The following LTBP1 variants were observed in gnomAD, a reference collection of about 807,000 sequenced individuals.
LTBP1 encodes latent-transforming growth factor beta-binding protein 1.
A neutral mutation model predicts 207.6 loss-of-function variants in LTBP1; 129 were observed. The ratio of observed to expected loss-of-function variants is 0.62; its 90% CI spans 0.54 to 0.72. The LOEUF (loss-of-function observed/expected upper bound fraction) is 0.72, where lower values mean the gene tolerates loss of function less well. LTBP1 is among the 30% of genes least tolerant of loss of function. The pLI is 0.00. For missense variants in LTBP1, 2,281 were observed against 2,217.2 expected (o/e 1.03, Z -0.58); for synonymous variants, 963 against 833.7 (o/e 1.16, Z -2.67).
chr2:33,117,511 C>T, intron 4 of LTBP1, among the ~76,000 whole-genome samples: 1 of 152,142 alleles, frequency 6.6e-6, no homozygotes, highest in East Asian at 1.9e-4. Flanking sequence ...AGTGAGAGAG[C>T]AGAGTGCTTT....
rs1391386231 is a variant in LTBP1 at position 33,393,168 on chromosome 2, A to ATAGTTATT, written c.4834+3863_4834+3870dup. On this transcript the variant is annotated intron_variant, in intron 32 of 33. Transcript: ENST00000404816. ...ACCTAGGTGTGAAGCCCAGTACCCA[A>ATAGTTATT]TAGTTATTACCTTTTCTGCTTCCCT... Among the ~76,000 whole-genome samples, 7 of 142,852 alleles carry ATAGTTATT rather than the reference A, an allele frequency of 4.9e-5. No individual in the cohort carries two copies. The East Asian group carries it at 1.4e-3, about 28-fold the overall frequency. The allele number at this position is 142,852 out of a possible 152,430, so 93.7% of individuals were successfully genotyped here.
chr2:33,267,663 T>C (rs1270219199), intron 15 of LTBP1, among the ~76,000 whole-genome samples: 2 of 152,230 alleles, frequency 1.3e-5, no homozygotes, highest in Non-Finnish European at 2.9e-5. Flanking sequence ...TTCAAAATAC[T>C]GCATTTCAAT....
chr2:33,092,405 G>C (rs920315647), intron 3 of LTBP1, among the ~76,000 whole-genome samples: 2 of 152,218 alleles, frequency 1.3e-5, no homozygotes, highest in African/African-American at 4.8e-5. Flanking sequence ...GTTAGAACTT[G>C]TAAAACTCAC....
chr2:33,354,653 C>T (rs1458955081), intron 26 of LTBP1, among the ~76,000 whole-genome samples: 1 of 148,850 alleles, frequency 6.7e-6, no homozygotes, highest in Non-Finnish European at 1.5e-5. Context: ...AATGAACTGA[C>T]ATATCAATCA....
intron 8 of LTBP1, among the ~76,000 whole-genome samples, chr2:33,218,873 C>CTT (rs1057174153): frequency 6.6e-6 from 1 of 152,084 alleles, no homozygotes; most frequent in Non-Finnish European, 1.5e-5. Context: ...TTCTCATTTG[C>CTT]TTTAAATGAA....
At chr2:32,980,260 A>G (rs1682564917) in intron 2 of LTBP1, among the ~76,000 whole-genome samples, 1 of 152,070 alleles carries the variant, frequency 6.6e-6, no homozygotes, top group African/African-American at 2.4e-5. Flanking sequence ...GTTTTAGTGA[A>G]GGCAGTTTTC....
At chr2:33,174,805 A>G (rs1286138474) in intron 5 of LTBP1, among the ~76,000 whole-genome samples, 1 of 152,158 alleles carries the variant, frequency 6.6e-6, no homozygotes, top group Non-Finnish European at 1.5e-5. Context: ...GTACCAAAAC[A>G]GAGATATAGA....
Position 33,398,616 on chromosome 2 carries a change from T to C in LTBP1, c.*71T>C. ...AGGAAAAGGGAGAAATGTATTATAC[T>C]TGAGACATTGCACCTACCCCGGAAG... On this transcript the variant is annotated 3_prime_UTR_variant, in exon 34 of 34. Coordinates refer to ENST00000404816, the MANE Select transcript of LTBP1 (RefSeq NM_206943.4). 7.2e-7 allele frequency: 1 copy of C among 1,395,700 alleles called. No individual in the cohort carries two copies. The highest frequency in any genetic ancestry group is 9.7e-7 in the Non-Finnish European group (1 of 1,029,862). 86.5% of individuals were successfully genotyped at this position (1,395,700 alleles called of 1,614,324 possible). A position where few individuals can be genotyped will look rare whatever the true frequency, so the allele number is the denominator to read the frequency against.
intron 7 of LTBP1, among the ~76,000 whole-genome samples, chr2:33,191,892 G>T (rs1393768760): frequency 6.6e-6 from 1 of 152,162 alleles, no homozygotes; most frequent in Non-Finnish European, 1.5e-5. Flanking sequence ...GGCAGAGATA[G>T]CCCTTGTTTC....
At chr2:33,078,150 C>A (rs2078185419) in intron 3 of LTBP1, among the ~76,000 whole-genome samples, 1 of 152,172 alleles carries the variant, frequency 6.6e-6, no homozygotes, top group Non-Finnish European at 1.5e-5. Flanking sequence ...CTTCATTAAT[C>A]ATGAAATGTG....
At chr2:33,283,715 C>T (rs931691429) in intron 19 of LTBP1, among the ~76,000 whole-genome samples, 19 of 152,104 alleles carry the variant, frequency 1.2e-4, no homozygotes, top group African/African-American at 4.3e-4. Flanking sequence ...GGATTACAGG[C>T]GTGAGCCACC....
chr2:33,282,062 C>CATATATATATATATAT, intron 19 of LTBP1, among the ~76,000 whole-genome samples: 1 of 142,852 alleles, frequency 7.0e-6, no homozygotes, highest in Non-Finnish European at 1.5e-5. Flanking sequence ...CCTATATGTG[C>CATATATATATATATAT]ATATATATAT....
intron 7 of LTBP1, among the ~76,000 whole-genome samples, chr2:33,217,235 C>T (rs138388684): frequency 1.3e-5 from 2 of 152,246 alleles, no homozygotes; most frequent in Admixed American, 6.5e-5. Flanking sequence ...CTATATTGAT[C>T]TTACACACTA....
At chr2:33,109,100 A>G (rs1174492424) in intron 3 of LTBP1, among the ~76,000 whole-genome samples, 1 of 152,234 alleles carries the variant, frequency 6.6e-6, no homozygotes, top group African/African-American at 2.4e-5. Flanking sequence ...GAAGCAGCCT[A>G]ATTCTAGCCT....
At chr2:33,118,195 A>AC (rs1373723655) in intron 4 of LTBP1, among the ~76,000 whole-genome samples, 1 of 137,626 alleles carries the variant, frequency 7.3e-6, no homozygotes, top group Middle Eastern at 3.7e-3. Context: ...GTGTGCAAAA[A>AC]AAAAAAAACA....
intron 2 of LTBP1, among the ~76,000 whole-genome samples, chr2:33,004,441 C>T (rs1271589870): frequency 6.6e-6 from 1 of 152,012 alleles, no homozygotes; most frequent in Non-Finnish European, 1.5e-5. Flanking sequence ...ATATAATCCA[C>T]ATACCATACA....
chr2:33,020,772 C>T (rs912026485), intron 2 of LTBP1, 137 bp from the exon 3 acceptor site: 1 of 791,340 alleles, frequency 1.3e-6, no homozygotes, highest in Non-Finnish European at 2.0e-6. Flanking sequence ...CCAACTGCCC[C>T]ACCTTCCTCC....
Position 33,056,987 on chromosome 2 carries a change from C to T in LTBP1, c.863+35781C>T, listed in dbSNP as rs578177968. Reference sequence around the variant, plus strand: ...GGTGCTGATTGGTGCGTTTACAATCCCTGAGCTAGACACAAAAGTTCTCCA... The same window carrying T: ...GGTGCTGATTGGTGCGTTTACAATCTCTGAGCTAGACACAAAAGTTCTCCA... On this transcript the variant is annotated intron_variant, in intron 3 of 33. Coordinates refer to ENST00000404816, the MANE Select transcript of LTBP1 (RefSeq NM_206943.4). 2.6e-5 allele frequency among the ~76,000 whole-genome samples: 4 copies of T among 152,164 alleles called. 1 individual carries two copies. Among genetic ancestry groups the T allele is most frequent in the Admixed American group, 6.5e-5 (1 of 15,298 alleles).
intron 11 of LTBP1, among the ~76,000 whole-genome samples, chr2:33,253,519 A>G (rs2092740678): frequency 1.3e-5 from 2 of 152,208 alleles, no homozygotes; most frequent in African/African-American, 2.4e-5. Context: ...GTGGAAGAGA[A>G]AGAAATGTAA....
Sources: allele counts gnomAD v4.1 joint callset (sites outside exome capture counted in the v4.1 genomes callset), GRCh38; gene constraint gnomAD v4.1.1; transcripts MANE v1.5; gene names NCBI Gene and HGNC (gene_info 2026-07-23, HGNC 2026-07-21).